The following ARHGEF3 variants were observed in gnomAD, a reference collection of about 807,000 sequenced individuals.
ARHGEF3 encodes the protein Rho guanine nucleotide exchange factor 3, also known as 59.8 kDA protein.
In ARHGEF3, 28 loss-of-function variants were observed where a neutral mutation model predicts 63.2. The observed-to-expected ratio is 0.44, with a 90% CI of 0.33 to 0.61. The LOEUF is 0.61. Among genes scored for constraint, ARHGEF3 ranks in the 20% least tolerant of loss-of-function variants. The pLI is 0.03. For missense variants in ARHGEF3, 533 were observed against 659.3 expected, an observed-to-expected ratio of 0.81 and a Z score of 2.10; for synonymous variants, 266 against 254.2, an observed-to-expected ratio of 1.05 and a Z score of -0.44.
At chr3:57,066,322 C>T (rs1705534952) in intron 1 of ARHGEF3, among the ~76,000 whole-genome samples, 1 of 151,766 alleles carries the variant, frequency 6.6e-6, no homozygotes, top group Non-Finnish European at 1.5e-5. Flanking sequence ...GGTACAGTGG[C>T]ATGATCTTGG....
At chr3:56,746,268 A>T (rs2034377358) in intron 6 of ARHGEF3, among the ~76,000 whole-genome samples, 2 of 152,206 alleles carry the variant, frequency 1.3e-5, no homozygotes, top group African/African-American at 4.8e-5. Context: ...CTTCAGAGGG[A>T]TTCAGTGCAA....
intron 4 of ARHGEF3, among the ~76,000 whole-genome samples, chr3:56,840,009 G>A (rs1025693041): frequency 1.1e-4 from 17 of 152,112 alleles, no homozygotes; most frequent in African/African-American, 2.9e-4. Flanking sequence ...CATCTTGGCC[G>A]TGTGTCATCC....
At chr3:56,996,896 T>TA (rs1246731930) in intron 2 of ARHGEF3, among the ~76,000 whole-genome samples, 164 of 113,046 alleles carry the variant, frequency 1.5e-3, no homozygotes, top group Admixed American at 3.2e-3. Flanking sequence ...TATTATTTTT[T>TA]TTTTTTTTTG....
intron 2 of ARHGEF3, among the ~76,000 whole-genome samples, chr3:57,034,507 C>A (rs1397656632): frequency 2.6e-5 from 4 of 152,010 alleles, no homozygotes; most frequent in African/African-American, 9.7e-5. Context: ...CACATTGGTC[C>A]TACTTATACC....
At chr3:56,867,498 G>A (rs2040293431) in intron 4 of ARHGEF3, among the ~76,000 whole-genome samples, 3 of 151,672 alleles carry the variant, frequency 2.0e-5, no homozygotes, top group South Asian at 4.1e-4. Context: ...TTTGAGACAA[G>A]GTCTTGCTCT....
Position 56,992,396 on chromosome 3 carries a change from A to G in ARHGEF3, c.63-33507T>C, listed in dbSNP as rs1382330703. On this transcript the variant is annotated intron_variant, in intron 2 of 12. Coordinates refer to the ARHGEF3 transcript ENST00000338458. ...GCTTTAAAAAAAAAAAAAAAAAAAA[A>G]AAAAAAAAAAAAAAAAAACAGAAAG... 8.7e-5 allele frequency among the ~76,000 whole-genome samples: 11 copies of G among 126,848 alleles called. 1 individual carries two copies. In the East Asian group the frequency reaches 2.2e-3, roughly 26 times the overall value. The allele number at this position is 126,848 out of a possible 152,430, so 83.2% of individuals were successfully genotyped here.
rs11306302 is a variant in ARHGEF3, at chr3:56,795,655, C to CTTTTTTTTTTTTTTTTTTTTT, written c.96+6047_96+6048insAAAAAAAAAAAAAAAAAAAAA. On this transcript the variant is annotated intron_variant, in intron 1 of 9. Transcript: ENST00000296315. ...TTAACTTGTGACACAGTCTCTCTCT[C>CTTTTTTTTTTTTTTTTTTTTT]TTTTTTTTTTTTGAAGATGGACTCT... Among the ~76,000 whole-genome samples the CTTTTTTTTTTTTTTTTTTTTT allele has an allele frequency of 1.5e-5, 2 of 130,564 alleles. 1 individual carries two copies. Among genetic ancestry groups the CTTTTTTTTTTTTTTTTTTTTT allele is most frequent in the African/African-American group, 5.8e-5 (2 of 34,240 alleles). The allele number at this position is 130,564 out of a possible 152,430, so 85.7% of individuals were successfully genotyped here.
chr3:56,899,970 CG>C (rs1481518034), intron 3 of ARHGEF3, among the ~76,000 whole-genome samples: 1 of 152,214 alleles, frequency 6.6e-6, no homozygotes. Flanking sequence ...CAAAAGCGTT[CG>C]CCATCCTTTG....
At chr3:56,946,385 A>C (rs1220078180) in intron 3 of ARHGEF3, among the ~76,000 whole-genome samples, 1 of 152,176 alleles carries the variant, frequency 6.6e-6, no homozygotes, top group African/African-American at 2.4e-5. Flanking sequence ...CTTGAAAAAA[A>C]ATTAGACAAA....
rs1286764125 is a variant in ARHGEF3 at position 56,875,725 on chromosome 3, T to TA, written c.192+6566dup. Among the ~76,000 whole-genome samples, 3 of 152,228 alleles carry TA rather than the reference T, an allele frequency of 2.0e-5. No homozygotes were observed. The East Asian group carries it at 5.8e-4, about 29-fold the overall frequency. ...CATTTATCTGTCCCTTTCTTTCAAT[T>TA]ATTCATACAATAGAAGAAACTTCAA... is the stretch of plus-strand genomic sequence containing the variant. On this transcript the variant is annotated intron_variant, in intron 4 of 12. Transcript: ENST00000338458.
chr3:57,027,254 G>C (rs1703513107), intron 2 of ARHGEF3, among the ~76,000 whole-genome samples: 1 of 152,054 alleles, frequency 6.6e-6, no homozygotes, highest in African/African-American at 2.4e-5. Flanking sequence ...TCAACAACTG[G>C]GCCAGGGTAC....
intron 2 of ARHGEF3, among the ~76,000 whole-genome samples, chr3:56,995,716 A>G (rs1286859855): frequency 6.7e-6 from 1 of 149,350 alleles, no homozygotes; most frequent in Non-Finnish European, 1.5e-5. Flanking sequence ...AGTAGAGAGA[A>G]ACCTAAAAAA....
intron 3 of ARHGEF3, among the ~76,000 whole-genome samples, chr3:56,920,297 A>G (rs1578846157): frequency 6.6e-6 from 1 of 152,116 alleles, no homozygotes; most frequent in Non-Finnish European, 1.5e-5. Context: ...ACTGGTAACA[A>G]CCCCTCTTGT....
At chr3:57,009,652 G>A (rs949851933) in intron 2 of ARHGEF3, among the ~76,000 whole-genome samples, 5 of 152,096 alleles carry the variant, frequency 3.3e-5, no homozygotes, top group South Asian at 2.1e-4. Flanking sequence ...ATGAGAGTGC[G>A]TGGAGAAGAC....
intron 3 of ARHGEF3, among the ~76,000 whole-genome samples, chr3:56,886,706 C>T (rs1157675013): frequency 6.6e-6 from 1 of 152,158 alleles, no homozygotes; most frequent in Non-Finnish European, 1.5e-5. Flanking sequence ...ATGTCAGGCA[C>T]AGAGCTAAAT....
chr3:56,977,330 TTCTC>T (rs1450934958), intron 2 of ARHGEF3: 2 of 456,608 alleles, frequency 4.4e-6, no homozygotes, highest in Admixed American at 4.7e-5. Context: ...GCAAGCCCCA[TTCTC>T]TTGGGCCCCT....
intron 3 of ARHGEF3, among the ~76,000 whole-genome samples, chr3:56,914,634 T>C (rs1350806453): frequency 1.3e-5 from 2 of 152,128 alleles, no homozygotes; most frequent in Non-Finnish European, 2.9e-5. Context: ...CTCCACGCAA[T>C]ATTACCACCA....
intron 3 of ARHGEF3, among the ~76,000 whole-genome samples, chr3:56,908,093 C>T (rs547059824): frequency 6.6e-6 from 1 of 152,276 alleles, no homozygotes; most frequent in South Asian, 2.1e-4. Context: ...GGCAGACAGG[C>T]TGGGCAACAA....
intron 1 of ARHGEF3, among the ~76,000 whole-genome samples, chr3:56,777,452 A>G (rs1056166837): frequency 6.6e-6 from 1 of 152,232 alleles, no homozygotes; most frequent in Non-Finnish European, 1.5e-5. Context: ...TTTTATTCTT[A>G]GTATGAGTTT....
Sources: allele counts gnomAD v4.1 joint callset (sites outside exome capture counted in the v4.1 genomes callset), GRCh38; gene constraint gnomAD v4.1.1; transcripts MANE v1.5; gene names NCBI Gene and HGNC (gene_info 2026-07-23, HGNC 2026-07-21).